Variants in IGSF21 observed in about 807,000 individuals in gnomAD.
IGSF21 encodes immunoglobulin superfamily member 21.
A neutral mutation model predicts 46.8 loss-of-function variants in IGSF21; 28 were observed. That is an observed-to-expected ratio of 0.60 (90% confidence interval 0.44 to 0.82). The LOEUF is 0.82. Ranked by LOEUF, IGSF21 falls within the 40% of genes least tolerant of loss-of-function variation. IGSF21 has a pLI of 0.00. For missense variants in IGSF21, 624 were observed against 665.5 expected, an observed-to-expected ratio of 0.94 and a Z score of 0.69; for synonymous variants, 284 against 273.6, an observed-to-expected ratio of 1.04 and a Z score of -0.38.
Position 18,362,057 on chromosome 1 carries a change from A to G in IGSF21, c.425-58A>G, listed in dbSNP as rs913910309. ...CGTGGCCCATCTTAGGTCATCAGTG[A>G]ACTCTTCCTGAATCTCCCAGTTGAG... On this transcript the variant is annotated intron_variant, in intron 4 of 9. Coordinates refer to ENST00000251296, the MANE Select transcript of IGSF21 (RefSeq NM_032880.5). 1.8e-5 allele frequency: 23 copies of G among 1,274,598 alleles called. No individual in the cohort carries two copies. The African/African-American group carries it at 2.1e-4, about 11-fold the overall frequency. The allele number at this position is 1,274,598 out of a possible 1,614,324, so 79.0% of individuals were successfully genotyped here.
chr1:18,161,170 C>G (rs1167966075), intron 1 of IGSF21, among the ~76,000 whole-genome samples: 1 of 152,148 alleles, frequency 6.6e-6, no homozygotes, highest in Non-Finnish European at 1.5e-5. Context: ...CCCGTTTTAG[C>G]ACGGCCAGCC....
chr1:18,248,915 G>A (rs2084810017), intron 2 of IGSF21, among the ~76,000 whole-genome samples: 1 of 152,136 alleles, frequency 6.6e-6, no homozygotes, highest in Non-Finnish European at 1.5e-5. Flanking sequence ...CCCCAAGCCA[G>A]ACTCGAGTGG....
intron 1 of IGSF21, among the ~76,000 whole-genome samples, chr1:18,227,625 CAG>C (rs568735161): frequency 3.6e-4 from 54 of 151,510 alleles, no homozygotes; most frequent in Non-Finnish European, 6.0e-4. Flanking sequence ...GTGTCCCAAG[CAG>C]AAGTGTTTTT....
chr1:18,259,009 G>A (rs2084916788), intron 2 of IGSF21, among the ~76,000 whole-genome samples: 2 of 152,168 alleles, frequency 1.3e-5, no homozygotes, highest in Admixed American at 6.6e-5. Flanking sequence ...GCCTCTGCTG[G>A]GGCCCTTTTG....
chr1:18,186,112 C>T (rs907915266), intron 1 of IGSF21, among the ~76,000 whole-genome samples: 2 of 152,104 alleles, frequency 1.3e-5, no homozygotes, highest in Non-Finnish European at 2.9e-5. Flanking sequence ...TGAAGCTCCC[C>T]AGAAGCCTGT....
chr1:18,122,632 T>G (rs1200799292), intron 1 of IGSF21, among the ~76,000 whole-genome samples: 1 of 150,966 alleles, frequency 6.6e-6, no homozygotes, highest in Non-Finnish European at 1.5e-5. Context: ...TCTTTTTTTT[T>G]TTTTTTGAGA....
chr1:18,269,166 G>A (rs2085019151), intron 2 of IGSF21, among the ~76,000 whole-genome samples: 1 of 152,184 alleles, frequency 6.6e-6, no homozygotes, highest in Non-Finnish European at 1.5e-5. Context: ...CTGGGGATTG[G>A]GGTGGCTGCA....
chr1:18,129,121 A>G (rs1170575565), intron 1 of IGSF21, among the ~76,000 whole-genome samples: 1 of 152,168 alleles, frequency 6.6e-6, no homozygotes, highest in Non-Finnish European at 1.5e-5. Context: ...CTATGAATCG[A>G]TACTGTAAGA....
At chr1:18,319,626 G>A (rs950374000) in intron 3 of IGSF21, among the ~76,000 whole-genome samples, 11 of 152,302 alleles carry the variant, frequency 7.2e-5, no homozygotes, top group African/African-American at 1.9e-4. Context: ...AGGAGATGAC[G>A]AATGTAAGTA....
chr1:18,236,844 C>G (rs2084677551), intron 2 of IGSF21, among the ~76,000 whole-genome samples: 1 of 152,248 alleles, frequency 6.6e-6, no homozygotes, highest in Non-Finnish European at 1.5e-5. Context: ...GAGAAATGAC[C>G]ATGAACTTGG....
chr1:18,333,965 G>C (rs759553471), intron 3 of IGSF21, among the ~76,000 whole-genome samples: 1 of 152,250 alleles, frequency 6.6e-6, no homozygotes, highest in Non-Finnish European at 1.5e-5. Flanking sequence ...ATGATCATAA[G>C]TAAAGTTTTA....
At chr1:18,378,055 A>T (rs180827970) in intron 9 of IGSF21, among the ~76,000 whole-genome samples, 1 of 152,250 alleles carries the variant, frequency 6.6e-6, no homozygotes, top group East Asian at 1.9e-4. Flanking sequence ...GGCCTCTAGG[A>T]AATCTGACCG....
intron 1 of IGSF21, among the ~76,000 whole-genome samples, chr1:18,149,153 G>A (rs1433897276): frequency 6.6e-6 from 1 of 151,772 alleles, no homozygotes. Context: ...ACTGACATGT[G>A]TGCCTGAGCC....
chr1:18,228,368 T>A (rs2084590873), intron 2 of IGSF21, among the ~76,000 whole-genome samples: 1 of 152,176 alleles, frequency 6.6e-6, no homozygotes, highest in Non-Finnish European at 1.5e-5. Context: ...TCGGATAATG[T>A]TTTTGGCAAG....
intron 1 of IGSF21, among the ~76,000 whole-genome samples, chr1:18,196,655 T>C (rs1050688067): frequency 2.0e-5 from 3 of 152,168 alleles, no homozygotes; most frequent in Admixed American, 6.5e-5. Context: ...CAGAGCCACA[T>C]AATGGCCCCA....
chr1:18,159,502 A>T (rs1203418709), intron 1 of IGSF21, among the ~76,000 whole-genome samples: 2 of 152,138 alleles, frequency 1.3e-5, no homozygotes, highest in Non-Finnish European at 2.9e-5. Flanking sequence ...GGTAGTGAGT[A>T]AGTCTCACGA....
chr1:18,143,392 G>A (rs1474938748), intron 1 of IGSF21, among the ~76,000 whole-genome samples: 3 of 152,072 alleles, frequency 2.0e-5, no homozygotes, highest in African/African-American at 4.8e-5. Context: ...AGACAGTCCC[G>A]CTGAGCTTCT....
At chr1:18,356,946 A>G (rs2086025021) in intron 4 of IGSF21, among the ~76,000 whole-genome samples, 1 of 150,766 alleles carries the variant, frequency 6.6e-6, no homozygotes, top group African/African-American at 2.4e-5. Context: ...ATGGGGAGGG[A>G]TGGAAATGGA....
intron 2 of IGSF21, among the ~76,000 whole-genome samples, chr1:18,265,468 ATTG>A (rs1370091848): frequency 4.6e-5 from 7 of 152,100 alleles, no homozygotes; most frequent in Non-Finnish European, 8.8e-5. Context: ...TTCTGGGAAA[ATTG>A]TTGTTCATGC....
Sources: gnomAD v4.1 joint callset for allele counts (sites outside exome capture counted in the v4.1 genomes callset) on GRCh38, gnomAD v4.1.1 for gene constraint, MANE v1.5 for transcripts, NCBI Gene and HGNC (gene_info 2026-07-23, HGNC 2026-07-21) for gene names.